Variants in SCN9A observed in about 807,000 individuals in gnomAD.
The protein encoded by SCN9A is sodium channel protein type 9 subunit alpha.
In SCN9A, 131 loss-of-function variants were observed where a neutral mutation model predicts 187.0. The ratio of observed to expected loss-of-function variants is 0.70; its 90% CI spans 0.61 to 0.81. The LOEUF (loss-of-function observed/expected upper bound fraction) is 0.81, where lower values mean the gene tolerates loss of function less well. Among genes scored for constraint, SCN9A ranks in the 30% least tolerant of loss-of-function variants. SCN9A has a pLI of 0.00. For synonymous variants in SCN9A, 809 were observed against 808.6 expected (o/e 1.00, Z -0.01); for missense variants, 2,252 against 2,396.6 (o/e 0.94, Z 1.26).
intron 2 of SCN9A, among the ~76,000 whole-genome samples, chr2:166,307,842 T>C (rs1257307004): frequency 6.6e-6 from 1 of 152,222 alleles, no homozygotes; most frequent in Non-Finnish European, 1.5e-5. Context: ...ACCTAAAGCA[T>C]TGGCTTAGAA....
chr2:166,282,203 T>A (rs1697520927), intron 12 of SCN9A, among the ~76,000 whole-genome samples: 1 of 152,216 alleles, frequency 6.6e-6, no homozygotes, highest in Non-Finnish European at 1.5e-5. Context: ...GCTGTAGTGC[T>A]GTGTATCTAA....
rs1414379870 is a variant in SCN9A at position 166,300,902 on chromosome 2, A to C, written c.901+2188T>G. 2.7e-5 allele frequency: 4 copies of C among 150,256 alleles called. No individual in the cohort carries two copies. In the East Asian group the frequency reaches 7.7e-4, roughly 29 times the overall value. 9.3% of individuals were successfully genotyped at this position (150,256 alleles called of 1,614,324 possible). On this transcript the variant is annotated intron_variant, in intron 7 of 26. Coordinates refer to ENST00000642356, the MANE Select transcript of SCN9A (RefSeq NM_001365536.1). ...CTCAAGGGCTCTATTATTATTATTA[A>C]TTTATTAATTTATTTATTTTTGAGA...
chr2:166,264,357 G>C (rs901512728), intron 17 of SCN9A, among the ~76,000 whole-genome samples: 3 of 151,920 alleles, frequency 2.0e-5, no homozygotes, highest in African/African-American at 7.2e-5. Context: ...GGAGAAGGCT[G>C]ACTCTGAGAA....
intron 24 of SCN9A, among the ~76,000 whole-genome samples, chr2:166,210,477 AAAAT>A (rs1230983795): frequency 6.7e-6 from 1 of 150,220 alleles, no homozygotes; most frequent in African/African-American, 2.4e-5. Context: ...TAAAAATAAA[AAAAT>A]AAAAAATAAA....
intron 1 of SCN9A, among the ~76,000 whole-genome samples, chr2:166,323,919 T>C (rs1699303071): frequency 6.6e-6 from 1 of 151,654 alleles, no homozygotes; most frequent in African/African-American, 2.4e-5. Flanking sequence ...TAGTGTTTAC[T>C]TGTTTGTTTC....
intron 1 of SCN9A, among the ~76,000 whole-genome samples, chr2:166,340,580 T>TTCTTTC (rs1383735495): frequency 1.1e-5 from 1 of 91,956 alleles, no homozygotes; most frequent in Non-Finnish European, 2.0e-5. Context: ...CTTTCTTTCT[T>TTCTTTC]TCTTTCTTTC....
At chr2:166,262,239 A>C (rs1049793725) in intron 17 of SCN9A, among the ~76,000 whole-genome samples, 1 of 152,050 alleles carries the variant, frequency 6.6e-6, no homozygotes, top group Admixed American at 6.6e-5. Flanking sequence ...TAATATATGC[A>C]AAAATAAATA....
At chr2:166,240,645 C>T (rs1695525052) in intron 19 of SCN9A, among the ~76,000 whole-genome samples, 1 of 152,128 alleles carries the variant, frequency 6.6e-6, no homozygotes, top group African/African-American at 2.4e-5. Context: ...ACTTGGATGA[C>T]TCCAGGTAAG....
chr2:166,224,344 G>T (rs943853759), intron 24 of SCN9A, among the ~76,000 whole-genome samples: 2 of 152,110 alleles, frequency 1.3e-5, no homozygotes, highest in Non-Finnish European at 2.9e-5. Flanking sequence ...ATCTGTATTT[G>T]TAAATGTCAG....
chr2:166,360,234 AAG>A (rs1491067334), intron 1 of SCN9A, among the ~76,000 whole-genome samples: 5,874 of 55,858 alleles, frequency 0.11, 538 homozygotes, highest in African/African-American at 0.16. Context: ...AAAAAAAAAA[AAG>A]AAAAAAAAAA....
chr2:166,243,277 A>T (rs1385996133), intron 18 of SCN9A, among the ~76,000 whole-genome samples: 2 of 152,078 alleles, frequency 1.3e-5, no homozygotes, highest in Non-Finnish European at 2.9e-5. Context: ...GGTTAGGTTT[A>T]TTCATTCATT....
chr2:166,241,032 T>C (rs1050208204), intron 19 of SCN9A, among the ~76,000 whole-genome samples: 1 of 152,102 alleles, frequency 6.6e-6, no homozygotes, highest in Non-Finnish European at 1.5e-5. Flanking sequence ...CATGCTACTT[T>C]CCACACATAA....
intron 21 of SCN9A, among the ~76,000 whole-genome samples, chr2:166,229,722 A>T (rs1286056319): frequency 6.6e-6 from 1 of 152,184 alleles, no homozygotes; most frequent in Non-Finnish European, 1.5e-5. Context: ...AATTAGGAAC[A>T]GTTTTTCTTT....
Position 166,251,776 on chromosome 2 carries a change from C to G in SCN9A, c.3461G>C (p.Cys1154Ser). 1 of 1,612,442 alleles carries G rather than the reference C, an allele frequency of 6.2e-7. No individual in the cohort carries two copies. Among genetic ancestry groups the G allele is most frequent in the Non-Finnish European group, 8.5e-7 (1 of 1,179,004 alleles). The change falls in exon 18 of 27, where the codon TGT becomes TCT. Residue 1154 changes from cysteine (C) to serine (S), a missense_variant. Cys to Ser is a moderately radical substitution (Grantham distance 112, BLOSUM62 -1). Around this residue, in one of 7 missense-constraint regions of SCN9A, gnomAD observed 313 missense variants for 295.3 expected, o/e 1.06. Transcript: ENST00000642356. ...AATTTTTGTCTTACCATCTGTGAAACAGGCCTCTGGCTCATCGGAATTCAT... is the reference window on the plus strand; with the variant it reads ...AATTTTTGTCTTACCATCTGTGAAAGAGGCCTCTGGCTCATCGGAATTCAT... ...EPMNSDEPEA[C>S]FTDGCVWRFS...
chr2:166,350,441 A>G (rs1700007562), intron 1 of SCN9A, among the ~76,000 whole-genome samples: 1 of 152,218 alleles, frequency 6.6e-6, no homozygotes, highest in Admixed American at 6.5e-5. Flanking sequence ...CCATCCCTTC[A>G]TCTCTGCTGA....
At chr2:166,244,985 A>T (rs774802689) in intron 18 of SCN9A, among the ~76,000 whole-genome samples, 1 of 148,432 alleles carries the variant, frequency 6.7e-6, no homozygotes, top group Non-Finnish European at 1.5e-5. Flanking sequence ...CACAAAAATT[A>T]AAAAATATCC....
At chr2:166,322,655 C>A (rs12616699) in intron 1 of SCN9A, among the ~76,000 whole-genome samples, 38,289 of 151,900 alleles carry the variant, frequency 0.25, 5,841 homozygotes, top group African/African-American at 0.43. Context: ...TTTTATCATG[C>A]TTCCATAATT....
intron 20 of SCN9A, among the ~76,000 whole-genome samples, chr2:166,237,072 A>G (rs1442523957): frequency 6.6e-6 from 1 of 152,164 alleles, no homozygotes; most frequent in Non-Finnish European, 1.5e-5. Flanking sequence ...TAGAAGAATT[A>G]GTAAAAGATA....
chr2:166,235,717 C>G (rs1447030495), intron 20 of SCN9A, among the ~76,000 whole-genome samples: 1 of 151,490 alleles, frequency 6.6e-6, no homozygotes, highest in Non-Finnish European at 1.5e-5. Context: ...ATCTGTGTCC[C>G]AAAATTTGCA....
Sources: allele counts gnomAD v4.1 joint callset (sites outside exome capture counted in the v4.1 genomes callset), GRCh38; gene constraint gnomAD v4.1.1; regional missense constraint gnomAD v4.1.1; transcripts MANE v1.5; gene names NCBI Gene and HGNC (gene_info 2026-07-23, HGNC 2026-07-21).